Variants in MACROD2 observed in about 807,000 individuals in gnomAD.
MACROD2 encodes mono-ADP ribosylhydrolase 2, also known as ADP-ribose glycohydrolase MACROD2.
In MACROD2, 36 loss-of-function variants were observed where a neutral mutation model predicts 70.4. The ratio of observed to expected loss-of-function variants is 0.51; its 90% CI spans 0.39 to 0.68. The LOEUF is 0.68. Ranked by LOEUF, MACROD2 falls within the 30% of genes least tolerant of loss-of-function variation. MACROD2 has a pLI of 0.00. For synonymous variants in MACROD2, 172 were observed against 178.8 expected, an observed-to-expected ratio of 0.96 and a Z score of 0.30; for missense variants, 496 against 538.4, an observed-to-expected ratio of 0.92 and a Z score of 0.78.
At chr20:14,113,916 A>C (rs2054483917) in intron 3 of MACROD2, among the ~76,000 whole-genome samples, 1 of 152,286 alleles carries the variant, frequency 6.6e-6, no homozygotes, top group East Asian at 1.9e-4. Flanking sequence ...ATTCATTAAT[A>C]TTTATAAATT....
At chr20:14,658,171 T>C (rs943938452) in intron 4 of MACROD2, among the ~76,000 whole-genome samples, 2 of 152,174 alleles carry the variant, frequency 1.3e-5, no homozygotes, top group Admixed American at 1.3e-4. Context: ...TGCAAGCTTA[T>C]TTAAAATTAG....
rs1158916892 is a variant in MACROD2, at chr20:15,036,861, TTTAG to T, written c.419-193075_419-193072del. Among the ~76,000 whole-genome samples, 12 of 151,866 alleles carry T rather than the reference TTTAG, an allele frequency of 7.9e-5. No homozygotes were observed. The South Asian group carries it at 2.5e-3, about 32-fold the overall frequency. On this transcript the variant is annotated intron_variant, in intron 5 of 17. Transcript: ENST00000684519. The stretch of plus-strand genomic sequence containing the variant: ...AAAGCGTCTCTTCTTTTTATAAAGA[TTTAG>T]TTACAAAGATAATTATAAAGATAAT...
chr20:15,682,001 CAG>C (rs548761319), intron 8 of MACROD2, among the ~76,000 whole-genome samples: 131 of 152,318 alleles, frequency 8.6e-4, no homozygotes, highest in Non-Finnish European at 1.6e-3. Context: ...ATTTTTGGCT[CAG>C]AGTCTTTGCA....
chr20:15,624,224 C>A (rs1451153281), intron 8 of MACROD2, among the ~76,000 whole-genome samples: 1 of 152,176 alleles, frequency 6.6e-6, no homozygotes. Context: ...GAAGACTCAG[C>A]AAGCCTGCTC....
At chr20:14,530,402 A>G (rs769017118) in intron 4 of MACROD2, among the ~76,000 whole-genome samples, 3 of 152,220 alleles carry the variant, frequency 2.0e-5, no homozygotes, top group Non-Finnish European at 2.9e-5. Context: ...TGTTTCGTCA[A>G]GAAGGGAAAG....
At chr20:16,042,336 C>T (rs984826063) in intron 16 of MACROD2, among the ~76,000 whole-genome samples, 1 of 151,982 alleles carries the variant, frequency 6.6e-6, no homozygotes, top group African/African-American at 2.4e-5. Flanking sequence ...AAACCTGCTT[C>T]AGCTTGGTTG....
intron 3 of MACROD2, among the ~76,000 whole-genome samples, chr20:14,388,789 G>C (rs1000029106): frequency 6.6e-6 from 1 of 152,162 alleles, no homozygotes. Context: ...CATTTTATAT[G>C]GGTCCCATGG....
intron 2 of MACROD2, among the ~76,000 whole-genome samples, chr20:14,046,748 T>C (rs75924363): frequency 0.15 from 23,386 of 151,054 alleles, 1,842 homozygotes; most frequent in East Asian, 0.2. Flanking sequence ...TATTTATTTA[T>C]TTATTTATTA....
At chr20:15,474,664 C>T (rs1164665851) in intron 7 of MACROD2, among the ~76,000 whole-genome samples, 1 of 152,160 alleles carries the variant, frequency 6.6e-6, no homozygotes, top group Non-Finnish European at 1.5e-5. Context: ...AGAGAAAAAC[C>T]ACCCTTTGGG....
intron 2 of MACROD2, among the ~76,000 whole-genome samples, chr20:14,020,239 G>A (rs1341577542): frequency 2.6e-5 from 4 of 152,160 alleles, no homozygotes; most frequent in South Asian, 2.1e-4. Flanking sequence ...TTGGGAGGCC[G>A]AGGCAGGCGT....
At chr20:14,779,777 A>G (rs527455769) in intron 5 of MACROD2, among the ~76,000 whole-genome samples, 31 of 152,264 alleles carry the variant, frequency 2.0e-4, no homozygotes, top group Admixed American at 1.8e-3. Context: ...TATCTACTCC[A>G]GACCTTTTAT....
intron 8 of MACROD2, among the ~76,000 whole-genome samples, chr20:15,570,658 G>A (rs904168943): frequency 6.6e-6 from 1 of 152,112 alleles, no homozygotes; most frequent in Admixed American, 6.6e-5. Context: ...TTTATGTTGA[G>A]CCACTACATG....
At chr20:15,403,486 C>T (rs1052189802) in intron 6 of MACROD2, among the ~76,000 whole-genome samples, 2 of 152,068 alleles carry the variant, frequency 1.3e-5, no homozygotes, top group African/African-American at 4.8e-5. Context: ...TTACAGCAGA[C>T]ACTGTTAGTT....
At chr20:15,699,304 G>C (rs2146892722) in intron 8 of MACROD2, among the ~76,000 whole-genome samples, 1 of 152,242 alleles carries the variant, frequency 6.6e-6, no homozygotes. Flanking sequence ...TCTTCCTGTG[G>C]ATGTGGCTTC....
intron 8 of MACROD2, among the ~76,000 whole-genome samples, chr20:15,697,978 C>A (rs1568980475): frequency 6.6e-6 from 1 of 152,132 alleles, no homozygotes; most frequent in Non-Finnish European, 1.5e-5. Flanking sequence ...CTAAAGGCAG[C>A]AGATGGTTTG....
At chr20:14,785,382 A>G (rs2072355960) in intron 5 of MACROD2, among the ~76,000 whole-genome samples, 1 of 151,268 alleles carries the variant, frequency 6.6e-6, no homozygotes, top group Admixed American at 6.6e-5. Context: ...TTTAAACAAG[A>G]AAAAAAAAGC....
At chr20:15,746,737 A>G (rs1361203721) in intron 8 of MACROD2, among the ~76,000 whole-genome samples, 1 of 152,012 alleles carries the variant, frequency 6.6e-6, no homozygotes, top group Non-Finnish European at 1.5e-5. Context: ...TATTAAATAC[A>G]TTTTCTGGAT....
At chr20:14,044,371 T>A (rs886510615) in intron 2 of MACROD2, among the ~76,000 whole-genome samples, 13 of 152,112 alleles carry the variant, frequency 8.5e-5, no homozygotes, top group Admixed American at 7.2e-4. Flanking sequence ...GCAGCAAGAT[T>A]TATTGCAAAG....
intron 3 of MACROD2, chr20:14,337,737 G>C (rs1471491459): frequency 7.7e-6 from 3 of 389,920 alleles, no homozygotes; most frequent in Non-Finnish European, 1.4e-5. Flanking sequence ...TAATCAGACA[G>C]ATGAGCTTTG....
Sources: gnomAD v4.1 joint callset for allele counts (sites outside exome capture counted in the v4.1 genomes callset) on GRCh38, gnomAD v4.1.1 for gene constraint, MANE v1.5 for transcripts, NCBI Gene and HGNC (gene_info 2026-07-23, HGNC 2026-07-21) for gene names.